Variants in SDK2 observed in about 807,000 individuals in gnomAD.
SDK2 encodes protein sidekick-2.
Under a neutral mutation model 253.9 loss-of-function variants are expected in SDK2, and 105 were observed. That is an observed-to-expected ratio of 0.41 (90% confidence interval 0.35 to 0.49). SDK2 has a LOEUF of 0.49. SDK2 is among the 20% of genes least tolerant of loss of function. The pLI is 0.06. For missense variants in SDK2, 2,608 were observed against 3,003.0 expected (o/e 0.87, Z 3.07); for synonymous variants, 1,249 against 1,234.9 (o/e 1.01, Z -0.24).
In SDK2 at chr17:73,629,172, C is replaced by A. The variant is rs1441208644; in HGVS notation, c.64+14853G>T. Among the ~76,000 whole-genome samples the A allele has an allele frequency of 6.6e-6, 1 of 152,184 alleles. No homozygotes were observed. The highest frequency in any genetic ancestry group is 1.5e-5 in the Non-Finnish European group (1 of 68,026). ...CATCCTCCTCTATAAAGTGAGGTAG[C>A]CCTTTGTAATCTGACCTTAGTAATT... On this transcript the variant is annotated intron_variant, in intron 1 of 44. Transcript: ENST00000392650. The surrounding 1 kb of genome is among the most constrained non-coding windows in gnomAD (Gnocchi z 5.0).
chr17:73,394,379 A>G (rs756835634), intron 25 of SDK2, 55 bp from the exon 26 acceptor site: 76 of 1,240,124 alleles, frequency 6.1e-5, no homozygotes, highest in Non-Finnish European at 8.1e-5. Context: ...TTGACTGTGC[A>G]AGGGAAGTGG....
chr17:73,350,669 G>A lies in SDK2; in HGVS notation c.5880C>T (p.Tyr1960=), dbSNP rs539426717. The change falls in exon 42 of 45, where the codon TAC becomes TAT. Residue 1960 remains tyrosine (Y), a synonymous_variant. Coordinates refer to ENST00000392650, the MANE Select transcript of SDK2 (RefSeq NM_001144952.2). ...VLIIRGQSKK[Y]AKKTDSGNSA... is the part of the protein sequence containing the mutation. ...ACTCACCCGAGTCTGTCTTCTTGGC[G>A]TACTTCTTGCTCTGGCCCCGGATGA... 1.8e-5 allele frequency: 29 copies of A among 1,612,226 alleles called. No individual in the cohort carries two copies. Among genetic ancestry groups the A allele is most frequent in the South Asian group, 5.5e-5 (5 of 90,972 alleles).
chr17:73,433,047 A>C (rs1231335018), intron 10 of SDK2, among the ~76,000 whole-genome samples: 2 of 151,978 alleles, frequency 1.3e-5, no homozygotes, highest in African/African-American at 4.8e-5. Context: ...CACTAGAATA[A>C]TATTCATCAT....
chr17:73,565,043 A>G (rs1251622443), intron 1 of SDK2, among the ~76,000 whole-genome samples: 1 of 152,160 alleles, frequency 6.6e-6, no homozygotes, highest in African/African-American at 2.4e-5. Flanking sequence ...TGAACTTCCC[A>G]TATTTATGGG....
At chr17:73,398,952 G>A (rs990178695) in intron 22 of SDK2, among the ~76,000 whole-genome samples, 10 of 152,232 alleles carry the variant, frequency 6.6e-5, no homozygotes, top group Non-Finnish European at 1.2e-4. Context: ...CCCGACCCAG[G>A]AGGGGACTGT....
chr17:73,425,030 G>A (rs1165638287), intron 12 of SDK2, among the ~76,000 whole-genome samples: 1 of 152,278 alleles, frequency 6.6e-6, no homozygotes, highest in African/African-American at 2.4e-5. Context: ...GACCAGTCTG[G>A]CCAACATGGC....
chr17:73,399,656 CA>C (rs1264447365), intron 21 of SDK2, among the ~76,000 whole-genome samples: 1 of 152,130 alleles, frequency 6.6e-6, no homozygotes, highest in African/African-American at 2.4e-5. Flanking sequence ...AGAAAGAAAC[CA>C]AACGGGACCG....
intron 1 of SDK2, among the ~76,000 whole-genome samples, chr17:73,568,939 CAG>C (rs932091583): frequency 3.2e-4 from 48 of 152,202 alleles, no homozygotes; most frequent in Non-Finnish European, 8.8e-5. Context: ...AAAGTGCACA[CAG>C]GGGGCAAAGG....
intron 1 of SDK2, among the ~76,000 whole-genome samples, chr17:73,613,763 C>T (rs1029246037): frequency 6.6e-6 from 1 of 152,102 alleles, no homozygotes; most frequent in African/African-American, 2.4e-5. Context: ...GCCTGGGATG[C>T]CTCAGCCAAG....
At chr17:73,438,653 G>GACAT (rs1304834820) in intron 6 of SDK2, among the ~76,000 whole-genome samples, 1 of 137,018 alleles carries the variant, frequency 7.3e-6, no homozygotes, top group Non-Finnish European at 1.5e-5. Context: ...CAGACAGACA[G>GACAT]ACAGAAAAAC....
At chr17:73,574,806 A>T (rs1451820102) in intron 1 of SDK2, among the ~76,000 whole-genome samples, 2 of 152,208 alleles carry the variant, frequency 1.3e-5, no homozygotes, top group East Asian at 3.9e-4. Context: ...CCCAAGTACA[A>T]CTTAACCAAG....
intron 37 of SDK2, among the ~76,000 whole-genome samples, chr17:73,367,887 T>G (rs2062699190): frequency 6.6e-6 from 1 of 152,224 alleles, no homozygotes; most frequent in African/African-American, 2.4e-5. Flanking sequence ...CACCCACTCC[T>G]GCCTCACTCT....
rs1226150378 is a variant in SDK2, at chr17:73,348,741, G to A, written c.6039-16C>T. On this transcript the variant is annotated splice_polypyrimidine_tract_variant and intron_variant, in intron 43 of 44. Coordinates refer to ENST00000392650, the MANE Select transcript of SDK2 (RefSeq NM_001144952.2). ...GGGGGGAGACCTGGAGAGAGCGGGG[G>A]AGTGGGGCCGAGAGGTGCACTCACT... The A allele has an allele frequency of 6.3e-7, 1 of 1,598,828 alleles. No individual in the cohort carries two copies. Among genetic ancestry groups the A allele is most frequent in the East Asian group, 2.2e-5 (1 of 44,698 alleles).
intron 3 of SDK2, among the ~76,000 whole-genome samples, chr17:73,471,856 G>C (rs917338982): frequency 1.3e-5 from 2 of 152,156 alleles, no homozygotes; most frequent in Non-Finnish European, 2.9e-5. Context: ...TTGGCTCTCG[G>C]GACATGTGAT....
At chr17:73,608,959 G>A (rs1220848649) in intron 1 of SDK2, among the ~76,000 whole-genome samples, 1 of 152,164 alleles carries the variant, frequency 6.6e-6, no homozygotes, top group Non-Finnish European at 1.5e-5. Context: ...CTACATATAC[G>A]AATCAAATAT....
chr17:73,405,517 T>A (rs56982444), intron 18 of SDK2, among the ~76,000 whole-genome samples: 61,542 of 66,084 alleles, frequency 0.93, 29,232 homozygotes, highest in East Asian at 0.95. Flanking sequence ...TATATATATA[T>A]AAAGATCGAG....
intron 1 of SDK2, among the ~76,000 whole-genome samples, chr17:73,560,941 G>A (rs1223141791): frequency 1.3e-5 from 2 of 152,144 alleles, no homozygotes; most frequent in African/African-American, 4.8e-5. Flanking sequence ...CAGGAAGCGG[G>A]GCGTGTGGGG....
At chr17:73,354,749 C>G (rs986500866) in intron 40 of SDK2, among the ~76,000 whole-genome samples, 2 of 39,552 alleles carry the variant, frequency 5.1e-5, no homozygotes, top group Admixed American at 3.9e-4. Flanking sequence ...CTGCCCCAAC[C>G]AAGCACCTCC....
chr17:73,391,585 A>G, intron 27 of SDK2, 47 bp from the exon 28 acceptor site: 1 of 1,087,436 alleles, frequency 9.2e-7, no homozygotes, highest in Non-Finnish European at 1.2e-6. Context: ...GCTGCCGCTC[A>G]GCTGGGGATG....
Sources: allele counts gnomAD v4.1 joint callset (sites outside exome capture counted in the v4.1 genomes callset), GRCh38; gene constraint gnomAD v4.1.1; non-coding constraint Gnocchi (gnomAD v3.1); transcripts MANE v1.5; gene names NCBI Gene and HGNC (gene_info 2026-07-23, HGNC 2026-07-21).